Variants in GPR55 observed in about 807,000 individuals in gnomAD.
GPR55 encodes G-protein coupled receptor 55.
In GPR55, 6 loss-of-function variants were observed where a neutral mutation model predicts 7.9. That is an observed-to-expected ratio of 0.76 (90% CI 0.41 to 1.49). The LOEUF is 1.49. Ranked by LOEUF, GPR55 falls within the 40% of genes most tolerant of loss-of-function variation. The pLI is 0.01. For missense variants in GPR55, 376 were observed against 406.0 expected, an observed-to-expected ratio of 0.93 and a Z score of 0.63; for synonymous variants, 183 against 166.8, an observed-to-expected ratio of 1.10 and a Z score of -0.75.
intron 1 of GPR55, among the ~76,000 whole-genome samples, chr2:230,934,424 G>A (rs557991527): frequency 1.9e-4 from 29 of 152,308 alleles, no homozygotes; most frequent in Admixed American, 5.2e-4. Context: ...GACCAAATGT[G>A]AGATGACCAC....
intron 1 of GPR55, among the ~76,000 whole-genome samples, chr2:230,913,157 A>G (rs1432024514): frequency 1.3e-5 from 2 of 152,182 alleles, no homozygotes; most frequent in Non-Finnish European, 2.9e-5. Flanking sequence ...CCAGTAGCTT[A>G]TTCATAAACA....
intron 1 of GPR55, among the ~76,000 whole-genome samples, chr2:230,942,467 T>G (rs75483743): frequency 0.024 from 3,711 of 152,084 alleles, 139 homozygotes; most frequent in African/African-American, 0.085. Flanking sequence ...CCCCAGGACG[T>G]TTTGCAGGAA....
rs1690582112 is a variant in GPR55, at chr2:230,911,036, T to C, written c.-74A>G. The C allele has an allele frequency of 6.8e-6, 10 of 1,468,028 alleles. No individual in the cohort carries two copies. The South Asian group carries it at 1.1e-4, about 16-fold the overall frequency. 90.9% of individuals were successfully genotyped at this position (1,468,028 alleles called of 1,614,324 possible). Reference sequence around the variant, plus strand: ...TTGAAGTGATGGATTCAAATGACTTTGTCAAGAATCACAAACACCTCCCCA... The same window carrying C: ...TTGAAGTGATGGATTCAAATGACTTCGTCAAGAATCACAAACACCTCCCCA... On this transcript the variant is annotated 5_prime_UTR_variant, in exon 2 of 2. Transcript: ENST00000650999.
At chr2:230,912,797 A>G (rs946803653) in intron 1 of GPR55, among the ~76,000 whole-genome samples, 1 of 152,228 alleles carries the variant, frequency 6.6e-6, no homozygotes, top group Non-Finnish European at 1.5e-5. Context: ...CTTTTTATTA[A>G]TTTTAAAAGT....
chr2:230,921,995 CAG>C (rs1243228366), intron 1 of GPR55, among the ~76,000 whole-genome samples: 3 of 152,128 alleles, frequency 2.0e-5, no homozygotes, highest in South Asian at 2.1e-4. Flanking sequence ...ATCTCGCAGC[CAG>C]AGTGTCTGAG....
In GPR55 at chr2:230,924,988, G is replaced by T. The variant is rs1199433113; in HGVS notation, c.-135+180C>A. ...TGCCGCTGCTGCTGTCACGGAGGCT[G>T]CCTGGAGGCTGCCGCTGCCCTGACA... On this transcript the variant is annotated intron_variant, in intron 1 of 1. Transcript: ENST00000650999. This position sits in a 1 kb window ranked among gnomAD's most constrained non-coding sequence, Gnocchi z 4.5. Among the ~76,000 whole-genome samples the T allele has an allele frequency of 6.6e-6, 1 of 152,180 alleles. No homozygotes were observed. The highest frequency in any genetic ancestry group is 1.5e-5 in the Non-Finnish European group (1 of 68,032).
At chr2:230,925,624 C>T (rs1029799279), upstream of GPR55, among the ~76,000 whole-genome samples, 2 of 152,206 alleles carry the variant, frequency 1.3e-5, no homozygotes, top group Non-Finnish European at 2.9e-5. Context: ...CAGCACCTGC[C>T]AAGGGCCGTC....
chr2:230,937,923 G>A (rs1237970002), intron 1 of GPR55, among the ~76,000 whole-genome samples: 6 of 151,962 alleles, frequency 3.9e-5, no homozygotes, highest in Admixed American at 3.3e-4. Context: ...GGGAGGCGGA[G>A]GCAGGAGGAT....
chr2:230,914,110 A>G (rs1159810034), intron 1 of GPR55, among the ~76,000 whole-genome samples: 1 of 152,246 alleles, frequency 6.6e-6, no homozygotes, highest in African/African-American at 2.4e-5. Flanking sequence ...AGTGGCCAAG[A>G]AAACAATCGG....
intron 1 of GPR55, among the ~76,000 whole-genome samples, chr2:230,921,040 G>C (rs1376289052): frequency 6.6e-6 from 1 of 152,082 alleles, no homozygotes; most frequent in Admixed American, 6.5e-5. Context: ...GAAGGGAATA[G>C]GACAAAGTAA....
At chr2:230,953,060 G>A (rs537521933) in intron 1 of GPR55, among the ~76,000 whole-genome samples, 7 of 152,344 alleles carry the variant, frequency 4.6e-5, no homozygotes, top group South Asian at 2.1e-4. Flanking sequence ...GGCTAAGGAA[G>A]CATGCGCACC....
At chr2:230,941,672 G>A (rs553582832) in intron 1 of GPR55, among the ~76,000 whole-genome samples, 11 of 152,026 alleles carry the variant, frequency 7.2e-5, no homozygotes, top group Admixed American at 5.2e-4. Flanking sequence ...GGTCACATCC[G>A]CAGTGACTCC....
intron 1 of GPR55, among the ~76,000 whole-genome samples, chr2:230,958,403 T>C (rs1000097878): frequency 1.3e-5 from 2 of 152,244 alleles, no homozygotes; most frequent in African/African-American, 2.4e-5. Flanking sequence ...ATTCCAATTA[T>C]ACTCTTTTAG....
At chr2:230,921,362 G>T (rs897984717) in intron 1 of GPR55, among the ~76,000 whole-genome samples, 1 of 152,154 alleles carries the variant, frequency 6.6e-6, no homozygotes, top group Non-Finnish European at 1.5e-5. Context: ...AAGGGTCTAT[G>T]CTCTCTTTAG....
chr2:230,953,153 T>C (rs10201661), intron 1 of GPR55, among the ~76,000 whole-genome samples: 8,266 of 151,618 alleles, frequency 0.055, 604 homozygotes, highest in East Asian at 0.4. Flanking sequence ...CAGGTGGAGG[T>C]GGTGGTTGTG....
rs368426984 is a variant in GPR55 at position 230,910,161 on chromosome 2, A to T, written c.802T>A (p.Phe268Ile). ...AAACACATGGACAATTGCAAGAAGA[A>T]GCTGATGCTCTGCTTGGCTCTGCAC... ...VECRAKQSIS[F>I]FLQLSMCFSN... Residue 268 changes from phenylalanine to isoleucine, a missense_variant, in exon 2 of 2, where the codon TTC becomes ATC. Coordinates refer to ENST00000650999, the MANE Select transcript of GPR55 (RefSeq NM_005683.4). The surrounding 1 kb of genome is among the most constrained non-coding windows in gnomAD (Gnocchi z 5.4). The T allele has an allele frequency of 6.2e-7, 1 of 1,614,054 alleles. No homozygotes were observed. Among genetic ancestry groups the T allele is most frequent in the Non-Finnish European group, 8.5e-7 (1 of 1,179,902 alleles).
At chr2:230,959,028 T>A (rs964765555) in intron 1 of GPR55, among the ~76,000 whole-genome samples, 9 of 152,202 alleles carry the variant, frequency 5.9e-5, no homozygotes, top group African/African-American at 2.2e-4. Flanking sequence ...CTGTGTGAGG[T>A]CACAGCAGTT....
upstream of GPR55, among the ~76,000 whole-genome samples, chr2:230,926,657 T>G (rs906961075): frequency 2.6e-5 from 4 of 151,020 alleles, no homozygotes; most frequent in Non-Finnish European, 5.9e-5. Context: ...AAGGGAGCCT[T>G]GTCTACTCCC....
chr2:230,920,608 A>G (rs1690811344), intron 1 of GPR55, among the ~76,000 whole-genome samples: 1 of 152,212 alleles, frequency 6.6e-6, no homozygotes, highest in Admixed American at 6.5e-5. Flanking sequence ...TGCCAGCTTC[A>G]TAGTGAAGAG....
Sources: gnomAD v4.1 joint callset for allele counts (sites outside exome capture counted in the v4.1 genomes callset) on GRCh38, gnomAD v4.1.1 for gene constraint, Gnocchi (gnomAD v3.1) non-coding constraint, MANE v1.5 for transcripts, NCBI Gene and HGNC (gene_info 2026-07-23, HGNC 2026-07-21) for gene names.